SYT6: variants seen among roughly 807,000 people sequenced by gnomAD.
SYT6 encodes synaptotagmin 6, also known as synaptotagmin-6.
Under a neutral mutation model 38.4 loss-of-function variants are expected in SYT6, and 24 were observed. The observed-to-expected ratio is 0.62, with a 90% CI of 0.45 to 0.88. The LOEUF (loss-of-function observed/expected upper bound fraction) is 0.88, where lower values mean the gene tolerates loss of function less well. SYT6 is among the 40% of genes least tolerant of loss of function. SYT6 has a pLI of 0.00. For missense variants in SYT6, 611 were observed against 621.0 expected, an observed-to-expected ratio of 0.98 and a Z score of 0.17; for synonymous variants, 265 against 241.9, an observed-to-expected ratio of 1.10 and a Z score of -0.89.
rs1675261333 is a variant in SYT6, at chr1:114,090,842, T to G, written c.*1292A>C. The G allele has an allele frequency of 1.3e-5, 2 of 152,702 alleles. No homozygotes were observed. The highest frequency in any genetic ancestry group is 4.1e-4 in the South Asian group (2 of 4,832). The allele number at this position is 152,702 out of a possible 1,614,324, so 9.5% of individuals were successfully genotyped here. A position where few individuals can be genotyped will look rare whatever the true frequency, so the allele number is the denominator to read the frequency against. ...ACAACACAGAATAGTTCAAACAATTTTTTTTTTCCTAAACTGAGTTTGGCC... is the reference window on the plus strand; with the variant it reads ...ACAACACAGAATAGTTCAAACAATTGTTTTTTTCCTAAACTGAGTTTGGCC... On this transcript the variant is annotated 3_prime_UTR_variant, in exon 8 of 8. Coordinates refer to ENST00000610222, the MANE Select transcript of SYT6 (RefSeq NM_001253772.2).
rs144593044 is a variant in SYT6 at position 114,149,194 on chromosome 1, T to TGAGA, written c.163+4412_163+4415dup. 5.2e-4 allele frequency among the ~76,000 whole-genome samples: 77 copies of TGAGA among 148,718 alleles called. No individual in the cohort carries two copies. The South Asian group carries it at 0.012, about 24-fold the overall frequency. On this transcript the variant is annotated intron_variant, in intron 1 of 7. Transcript: ENST00000610222. The stretch of plus-strand genomic sequence containing the variant: ...GGAAAAGGTGTACCTGAGGAATATC[T>TGAGA]GAGAGAGAGAGAGAGAGAGAGATTG...
chr1:114,141,804 T>C (rs759494007), intron 1 of SYT6, among the ~76,000 whole-genome samples: 5 of 152,200 alleles, frequency 3.3e-5, no homozygotes, highest in Non-Finnish European at 7.3e-5. Context: ...CCAGTGCTTA[T>C]TTACCATTCC....
At chr1:114,124,631 A>T (rs770793423) in intron 3 of SYT6, among the ~76,000 whole-genome samples, 4 of 152,148 alleles carry the variant, frequency 2.6e-5, no homozygotes, top group Non-Finnish European at 5.9e-5. Flanking sequence ...GTGTTCCATG[A>T]CTGGGTCAAT....
At chr1:114,118,365 G>C (rs1677130131) in intron 3 of SYT6, among the ~76,000 whole-genome samples, 1 of 152,236 alleles carries the variant, frequency 6.6e-6, no homozygotes, top group Non-Finnish European at 1.5e-5. Flanking sequence ...ACCAAGTGCA[G>C]AGTGGCAGAA....
chr1:114,132,948 A>G (rs1029535157), intron 3 of SYT6, among the ~76,000 whole-genome samples: 5 of 152,194 alleles, frequency 3.3e-5, no homozygotes, highest in African/African-American at 7.2e-5. Flanking sequence ...CTAGAATGCA[A>G]TTCAGGTTGG....
intron 3 of SYT6, among the ~76,000 whole-genome samples, chr1:114,118,625 C>T (rs1677154496): frequency 1.3e-5 from 2 of 152,324 alleles, no homozygotes; most frequent in South Asian, 2.1e-4. Flanking sequence ...GGGGCTCCTG[C>T]TGCTGCTGCA....
chr1:114,139,992 G>A (rs1298183702), intron 1 of SYT6, 29 bp from the exon 2 acceptor site: 3 of 1,385,412 alleles, frequency 2.2e-6, no homozygotes, highest in Non-Finnish European at 2.9e-6. Context: ...AGGCAGGGAG[G>A]GACAGACAGA....
chr1:114,112,020 C>T (rs781478803), intron 3 of SYT6, among the ~76,000 whole-genome samples: 6 of 152,194 alleles, frequency 3.9e-5, no homozygotes, highest in African/African-American at 7.2e-5. Flanking sequence ...TCTGTTGTGA[C>T]GCTCGGGGCT....
In SYT6 at chr1:114,110,406, C is replaced by G. The variant is rs368726619; in HGVS notation, c.1072-6685G>C. Among the ~76,000 whole-genome samples, 20 of 152,234 alleles carry G rather than the reference C, an allele frequency of 1.3e-4. No individual in the cohort carries two copies. The East Asian group carries it at 3.1e-3, about 23-fold the overall frequency. ...CCAAGGGTAGTGAGTGGGTGTGCGG[C>G]CGCTTTATTCATAGTGGTCCTGAAA... On this transcript the variant is annotated intron_variant, in intron 3 of 7. Transcript: ENST00000610222.
At chr1:114,150,258 C>T (rs757584643) in intron 1 of SYT6, among the ~76,000 whole-genome samples, 6 of 152,162 alleles carry the variant, frequency 3.9e-5, no homozygotes, top group African/African-American at 9.7e-5. Flanking sequence ...CCCTACTTGA[C>T]GTTCTCATCA....
chr1:114,142,482 T>C (rs1678917961), intron 1 of SYT6, among the ~76,000 whole-genome samples: 1 of 152,192 alleles, frequency 6.6e-6, no homozygotes, highest in Non-Finnish European at 1.5e-5. Context: ...ATACTCCAGG[T>C]AAAGATGCTG....
At chr1:114,139,546 G>A in intron 2 of SYT6, 69 bp downstream of exon 2, 1 of 1,583,148 alleles carries the variant, frequency 6.3e-7, no homozygotes, top group Non-Finnish European at 8.6e-7. Context: ...CCACAGGCTG[G>A]AATCCCATAG....
chr1:114,093,628 T>G, intron 7 of SYT6, 107 bp downstream of exon 7: 2 of 1,076,544 alleles, frequency 1.9e-6, no homozygotes, highest in Non-Finnish European at 2.7e-6. Flanking sequence ...CCAAGTGTTC[T>G]TTCCACTCCA....
intron 1 of SYT6, among the ~76,000 whole-genome samples, chr1:114,150,410 A>T (rs1441812198): frequency 6.6e-6 from 1 of 152,204 alleles, no homozygotes; most frequent in Non-Finnish European, 1.5e-5. Flanking sequence ...AGGATTGTGC[A>T]TTGTACCTTT....
chr1:114,140,202 C>T (rs1678785878), intron 1 of SYT6, among the ~76,000 whole-genome samples: 1 of 151,990 alleles, frequency 6.6e-6, no homozygotes, highest in African/African-American at 2.4e-5. Context: ...CAGCATCATC[C>T]TCTCTCCCGC....
At chr1:114,134,444 G>T (rs1262098039) in intron 3 of SYT6, among the ~76,000 whole-genome samples, 2 of 152,214 alleles carry the variant, frequency 1.3e-5, no homozygotes, top group Non-Finnish European at 2.9e-5. Flanking sequence ...CTTACACTCA[G>T]CCCTGAGGGA....
intron 3 of SYT6, among the ~76,000 whole-genome samples, chr1:114,132,447 C>T (rs866708631): frequency 1.3e-5 from 2 of 152,156 alleles, no homozygotes; most frequent in African/African-American, 4.8e-5. Flanking sequence ...CTGTGGAGAC[C>T]ACACTCCCGG....
At position 114,089,401 on chromosome 1, in the gene SYT6, T is replaced by G. The variant is rs1255745578; in HGVS notation, c.*2733A>C. Reference sequence around the variant, plus strand: ...ATATTTTAAATGACAGTGCAATTAATTAACGTCCTGGGTAAGCGCAGAGGG... The same window carrying G: ...ATATTTTAAATGACAGTGCAATTAAGTAACGTCCTGGGTAAGCGCAGAGGG... On this transcript the variant is annotated 3_prime_UTR_variant, in exon 8 of 8. Transcript: ENST00000610222. 1 of 152,684 alleles carries G rather than the reference T, an allele frequency of 6.5e-6. No individual in the cohort carries two copies. The highest frequency in any genetic ancestry group is 1.9e-4 in the East Asian group (1 of 5,332). 9.5% of individuals were successfully genotyped at this position (152,684 alleles called of 1,614,324 possible).
rs536926240 is a variant in SYT6 at position 114,139,716 on chromosome 1, C to T, written c.411G>A (p.Thr137=). ...GCACCTCAGCTGGGATATCTGGGGA[C>T]GTGTGGCTGATCTTCACGGCCGCCT... ...FLEAAVKISH[T]SPDIPAEVQM... is the part of the protein sequence containing the mutation. The change falls in exon 2 of 8, where the codon ACG becomes ACA. Residue 137 remains threonine, a synonymous_variant. Transcript: ENST00000610222. 62 of 1,614,146 alleles carry T rather than the reference C, an allele frequency of 3.8e-5. No individual in the cohort carries two copies. Among genetic ancestry groups the T allele is most frequent in the Admixed American group, 1.0e-4 (6 of 60,018 alleles).
Sources: gnomAD v4.1 joint callset for allele counts (sites outside exome capture counted in the v4.1 genomes callset) on GRCh38, gnomAD v4.1.1 for gene constraint, MANE v1.5 for transcripts, NCBI Gene and HGNC (gene_info 2026-07-23, HGNC 2026-07-21) for gene names.